SH3GLB1: variants seen among roughly 807,000 people sequenced by gnomAD.
The protein encoded by SH3GLB1 is SH3 domain containing GRB2 like, endophilin B1.
SH3GLB1 carries 17 observed loss-of-function variants against 42.0 expected under a neutral mutation model. That is an observed-to-expected ratio of 0.40 (90% CI 0.28 to 0.61). The LOEUF (loss-of-function observed/expected upper bound fraction) is 0.61. Among genes scored for constraint, SH3GLB1 ranks in the 20% least tolerant of loss-of-function variants. SH3GLB1 has a pLI of 0.36. For synonymous variants in SH3GLB1, 132 were observed against 146.6 expected (o/e 0.90, Z 0.72); for missense variants, 355 against 426.3 (o/e 0.83, Z 1.47).
At chr1:86,735,368 G>A (rs1449048779) in intron 7 of SH3GLB1, among the ~76,000 whole-genome samples, 189 bp downstream of exon 7, 1 of 152,084 alleles carries the variant, frequency 6.6e-6, no homozygotes, top group Non-Finnish European at 1.5e-5. Context: ...TGGCACAGAG[G>A]CATGTTAACA....
chr1:86,704,637 CG>C lies in SH3GLB1; in HGVS notation c.-259del. Reference sequence around the variant, plus strand: ...CGCCCGTCCATCTCCGGCTCGCCCGCGGGGCCCATCGTCGACGTTAGCGGCC... The same window carrying C: ...CGCCCGTCCATCTCCGGCTCGCCCGCGGGCCCATCGTCGACGTTAGCGGCC... On this transcript the variant is annotated 5_prime_UTR_variant, in exon 1 of 9. Coordinates refer to ENST00000370558, the MANE Select transcript of SH3GLB1 (RefSeq NM_016009.5). 2.9e-6 allele frequency: 1 copy of C among 339,502 alleles called. No homozygotes were observed. 21.0% of individuals were successfully genotyped at this position (339,502 alleles called of 1,614,324 possible).
chr1:86,705,782 A>T (rs1653827406), intron 1 of SH3GLB1, among the ~76,000 whole-genome samples: 1 of 152,274 alleles, frequency 6.6e-6, no homozygotes, highest in Non-Finnish European at 1.5e-5. Context: ...ATGCCAACTC[A>T]GTAAATCTGT....
chr1:86,718,710 C>G (rs3766008), intron 2 of SH3GLB1, among the ~76,000 whole-genome samples: 13 of 152,226 alleles, frequency 8.5e-5, no homozygotes, highest in Admixed American at 7.8e-4. Flanking sequence ...TTCACTTGTC[C>G]TGAAATACCT....
rs774284350 is a variant in SH3GLB1, at chr1:86,744,047, C to G, written c.*812C>G. 2.0e-5 allele frequency: 3 copies of G among 152,344 alleles called. No homozygotes were observed. The highest frequency in any genetic ancestry group is 4.4e-5 in the Non-Finnish European group (3 of 67,996). 9.4% of individuals were successfully genotyped at this position (152,344 alleles called of 1,614,324 possible). ...TGTGGTACAGTAAAGAGAATGTGTT[C>G]TTATTGAACAGCAGATTTGTATACA... is the stretch of plus-strand genomic sequence containing the variant. On this transcript the variant is annotated 3_prime_UTR_variant, in exon 9 of 9. Transcript: ENST00000370558.
In SH3GLB1 at chr1:86,724,886, A is replaced by AT. The variant is rs1409906302; in HGVS notation, c.570+481_570+482insT. Among the ~76,000 whole-genome samples, 265 of 102,270 alleles carry AT rather than the reference A, an allele frequency of 2.6e-3. 2 individuals are homozygous for AT. The highest frequency in any genetic ancestry group is 9.9e-3 in the African/African-American group (200 of 20,162). The allele number at this position is 102,270 out of a possible 152,430, so 67.1% of individuals were successfully genotyped here. On this transcript the variant is annotated intron_variant, in intron 5 of 8. Transcript: ENST00000370558. ...CAGACCCTGTCTTTAAAAAAAAAAA[A>AT]AAAAAAATATATATATATATATATA... is the stretch of plus-strand genomic sequence containing the variant.
At position 86,744,714 on chromosome 1, in the gene SH3GLB1, A is replaced by G. The variant is rs986523035; in HGVS notation, c.*1479A>G. The G allele has an allele frequency of 6.6e-6, 1 of 152,228 alleles. No individual in the cohort carries two copies. The highest frequency in any genetic ancestry group is 2.4e-5 in the African/African-American group (1 of 41,452). 9.4% of individuals were successfully genotyped at this position (152,228 alleles called of 1,614,324 possible). ...GGTACTTTTAAAAAAATGAATACTTAAACACCGTTTTAAAATTTTGTGTTA... is the reference window on the plus strand; with the variant it reads ...GGTACTTTTAAAAAAATGAATACTTGAACACCGTTTTAAAATTTTGTGTTA... On this transcript the variant is annotated 3_prime_UTR_variant, in exon 9 of 9. Transcript: ENST00000370558.
intron 5 of SH3GLB1, among the ~76,000 whole-genome samples, chr1:86,724,912 T>TATATATATATATATAA (rs1380448898): frequency 9.4e-4 from 115 of 122,966 alleles, no homozygotes; most frequent in African/African-American, 3.9e-3. Flanking sequence ...TATATATATA[T>TATATATATATATATAA]AAAATATATA....
At chr1:86,711,288 G>T (rs569326751) in intron 1 of SH3GLB1, among the ~76,000 whole-genome samples, 49 of 151,842 alleles carry the variant, frequency 3.2e-4, no homozygotes, top group African/African-American at 1.2e-3. Flanking sequence ...AATAATGTGG[G>T]TTATATGCCT....
At chr1:86,709,306 A>G (rs1654057862) in intron 1 of SH3GLB1, among the ~76,000 whole-genome samples, 2 of 152,238 alleles carry the variant, frequency 1.3e-5, no homozygotes, top group Admixed American at 6.5e-5. Context: ...ATTACCATCC[A>G]TATGTGAAGT....
Position 86,719,587 on chromosome 1 carries a change from C to A in SH3GLB1, c.295C>A (p.Gln99Lys), listed in dbSNP as rs1441282660. Reference protein sequence around the residue: ...SRINNPELLGQYMIDAGTEFG... With the variant: ...SRINNPELLGKYMIDAGTEFG... ...TATAAACAACCCAGAACTTTTGGGA[C>A]AATATATGATTGATGCAGGGACTGA... is the stretch of plus-strand genomic sequence containing the variant. Residue 99 changes from glutamine (Q) to lysine (K), a missense_variant, in exon 3 of 9, where the codon CAA becomes AAA. Physicochemically the swap from Gln to Lys is moderately conservative, Grantham distance 53 (BLOSUM62 1). Transcript: ENST00000370558. The A allele has an allele frequency of 2.5e-6, 4 of 1,611,132 alleles. No homozygotes were observed. In the African/African-American group the frequency reaches 4.0e-5, roughly 16 times the overall value.
rs926549478 is a variant in SH3GLB1, at chr1:86,746,905, T to C, written c.*3670T>C. 3.3e-5 allele frequency: 5 copies of C among 152,248 alleles called. No individual in the cohort carries two copies. Among genetic ancestry groups the C allele is most frequent in the African/African-American group, 1.2e-4 (5 of 41,412 alleles). 9.4% of individuals were successfully genotyped at this position (152,248 alleles called of 1,614,324 possible). ...AAATGTCTACTCAGTAGAGCAGTGATTGGCAAAGTGTGAGACCCCAGACCG... is the reference window on the plus strand; with the variant it reads ...AAATGTCTACTCAGTAGAGCAGTGACTGGCAAAGTGTGAGACCCCAGACCG... On this transcript the variant is annotated 3_prime_UTR_variant, in exon 9 of 9. Transcript: ENST00000370558.
chr1:86,747,239 C>T lies in SH3GLB1; in HGVS notation c.*4004C>T, dbSNP rs1656347930. On this transcript the variant is annotated 3_prime_UTR_variant, in exon 9 of 9. Transcript: ENST00000370558. ...TGGCAGTTACATTCCCAACTCTTAG[C>T]ACAAGATCTAGGACATAGTATGAAC... 1 of 152,594 alleles carries T rather than the reference C, an allele frequency of 6.6e-6. No homozygotes were observed. Among genetic ancestry groups the T allele is most frequent in the Non-Finnish European group, 1.5e-5 (1 of 68,028 alleles). The allele number at this position is 152,594 out of a possible 1,614,324, so 9.5% of individuals were successfully genotyped here. A position where few individuals can be genotyped will look rare whatever the true frequency, so the allele number is the denominator to read the frequency against.
At chr1:86,719,982 C>T (rs967518765) in intron 3 of SH3GLB1, among the ~76,000 whole-genome samples, 19 of 116,750 alleles carry the variant, frequency 1.6e-4, no homozygotes, top group Admixed American at 2.2e-4. Context: ...GGCCACAGAA[C>T]GAGACTCTGT....
intron 1 of SH3GLB1, among the ~76,000 whole-genome samples, chr1:86,708,350 C>T (rs922558289): frequency 1.4e-4 from 21 of 152,220 alleles, no homozygotes; most frequent in African/African-American, 4.8e-4. Flanking sequence ...GAAACATTCA[C>T]GTTTATAAAT....
At chr1:86,717,642 G>A (rs971721476) in intron 2 of SH3GLB1, among the ~76,000 whole-genome samples, 1 of 151,906 alleles carries the variant, frequency 6.6e-6, no homozygotes, top group South Asian at 2.1e-4. Context: ...GGCTGGTCTC[G>A]AACTCCCGAC....
At chr1:86,720,322 T>C (rs1654798973) in intron 3 of SH3GLB1, among the ~76,000 whole-genome samples, 2 of 152,182 alleles carry the variant, frequency 1.3e-5, no homozygotes, top group Non-Finnish European at 2.9e-5. Flanking sequence ...ACTTGGCACG[T>C]AGTTCTTGAA....
rs1656217168 is a variant in SH3GLB1, at chr1:86,744,708, ATACT to A, written c.*1476_*1479del. The A allele has an allele frequency of 6.6e-6, 1 of 152,248 alleles. No individual in the cohort carries two copies. Among genetic ancestry groups the A allele is most frequent in the African/African-American group, 2.4e-5 (1 of 41,464 alleles). The allele number at this position is 152,248 out of a possible 1,614,324, so 9.4% of individuals were successfully genotyped here. On this transcript the variant is annotated 3_prime_UTR_variant, in exon 9 of 9. Transcript: ENST00000370558. ...CTTTTTGGTACTTTTAAAAAAATGAATACTTAAACACCGTTTTAAAATTTTGTGT... is the reference window on the plus strand; with the variant it reads ...CTTTTTGGTACTTTTAAAAAAATGAATAAACACCGTTTTAAAATTTTGTGT...
intron 6 of SH3GLB1, among the ~76,000 whole-genome samples, 157 bp downstream of exon 6, chr1:86,734,848 A>T (rs1295989788): frequency 1.3e-5 from 2 of 152,166 alleles, no homozygotes. Flanking sequence ...ATTGTTGTTT[A>T]CATCTTATCA....
chr1:86,724,874 TAAAAAAA>T (rs1165438979), intron 5 of SH3GLB1, among the ~76,000 whole-genome samples: 43 of 97,894 alleles, frequency 4.4e-4, no homozygotes, highest in African/African-American at 1.1e-3. Flanking sequence ...ACCCTGTCTT[TAAAAAAA>T]AAAAAAAAAA....
Sources: allele counts gnomAD v4.1 joint callset (sites outside exome capture counted in the v4.1 genomes callset), GRCh38; gene constraint gnomAD v4.1.1; transcripts MANE v1.5; gene names NCBI Gene and HGNC (gene_info 2026-07-23, HGNC 2026-07-21).